Variants in FUT8 observed in about 807,000 individuals in gnomAD.
The protein encoded by FUT8 is alpha-(1,6)-fucosyltransferase.
In FUT8, 29 loss-of-function variants were observed where a neutral mutation model predicts 71.3. That is an observed-to-expected ratio of 0.41 (90% confidence interval 0.30 to 0.55). The LOEUF (loss-of-function observed/expected upper bound fraction) is 0.55. FUT8 is among the 20% of genes least tolerant of loss of function. The pLI is 0.34. For synonymous variants in FUT8, 254 were observed against 239.3 expected (o/e 1.06, Z -0.57); for missense variants, 544 against 702.1 (o/e 0.77, Z 2.55).
chr14:65,392,816 G>A, the FUT8 span, among the ~76,000 whole-genome samples: 1 of 152,148 alleles, frequency 6.6e-6, no homozygotes, highest in Non-Finnish European at 1.5e-5. Flanking sequence ...ACAAAAAGGG[G>A]CCCACTGTTA....
intron 3 of FUT8, among the ~76,000 whole-genome samples, chr14:65,592,436 C>CTACCTACG (rs1049373858): frequency 6.6e-6 from 1 of 151,966 alleles, no homozygotes; most frequent in African/African-American, 2.4e-5. Flanking sequence ...AGCTAGCTAG[C>CTACCTACG]TACCTACGTA....
At chr14:65,490,294 A>G (rs998781262) in intron 2 of FUT8, among the ~76,000 whole-genome samples, 1 of 152,114 alleles carries the variant, frequency 6.6e-6, no homozygotes, top group Non-Finnish European at 1.5e-5. Context: ...TGATGATTAC[A>G]TGTGACTTTT....
intron 2 of FUT8, among the ~76,000 whole-genome samples, chr14:65,518,297 G>A (rs1267434263): frequency 6.6e-6 from 1 of 152,124 alleles, no homozygotes. Context: ...GCTAAGCAGA[G>A]CTTCTAAAAG....
In FUT8 at chr14:65,575,616, T is replaced by C. The variant is rs578186804; in HGVS notation, c.203+13850T>C. ...CTTCCTTCCTTCCTTCCTTCCTTCCTTCCTTCCTCTTTTTTTTTTTCCCCC... is the reference window on the plus strand; with the variant it reads ...CTTCCTTCCTTCCTTCCTTCCTTCCCTCCTTCCTCTTTTTTTTTTTCCCCC... On this transcript the variant is annotated intron_variant, in intron 3 of 10. Coordinates refer to ENST00000673929, the MANE Select transcript of FUT8 (RefSeq NM_001371533.1). Among the ~76,000 whole-genome samples the C allele has an allele frequency of 3.5e-5, 5 of 143,690 alleles. No homozygotes were observed. In the Admixed American group the frequency reaches 3.5e-4, roughly 10 times the overall value. The allele number at this position is 143,690 out of a possible 152,430, so 94.3% of individuals were successfully genotyped here.
At chr14:65,655,940 G>A (rs182564087) in intron 6 of FUT8, among the ~76,000 whole-genome samples, 17 of 152,074 alleles carry the variant, frequency 1.1e-4, no homozygotes, top group Non-Finnish European at 1.5e-4. Flanking sequence ...CAAAAAACTC[G>A]GCATAAAGGG....
intron 1 of FUT8, among the ~76,000 whole-genome samples, chr14:65,436,628 CAAAAA>C (rs34862450): frequency 2.3e-5 from 3 of 129,172 alleles, no homozygotes; most frequent in East Asian, 2.3e-4. Context: ...GACTCCCTCT[CAAAAA>C]AAAAAAAAAA....
chr14:65,679,361 C>G (rs1262542073), intron 7 of FUT8, among the ~76,000 whole-genome samples: 6 of 152,196 alleles, frequency 3.9e-5, no homozygotes. Context: ...AGCAATCTTT[C>G]TGCATTCTTT....
At chr14:65,527,128 A>G (rs2139890546) in intron 2 of FUT8, among the ~76,000 whole-genome samples, 1 of 152,302 alleles carries the variant, frequency 6.6e-6, no homozygotes, top group East Asian at 1.9e-4. Flanking sequence ...AGGTTGGGGA[A>G]GTTCTCCTGG....
At chr14:65,394,658 G>A in the FUT8 span, among the ~76,000 whole-genome samples, 1 of 151,896 alleles carries the variant, frequency 6.6e-6, no homozygotes, top group Non-Finnish European at 1.5e-5. Flanking sequence ...ACAGGCATTG[G>A]ATAACTACAC....
intron 7 of FUT8, among the ~76,000 whole-genome samples, chr14:65,696,670 T>G (rs990469665): frequency 6.6e-6 from 1 of 152,112 alleles, no homozygotes; most frequent in Non-Finnish European, 1.5e-5. Context: ...ATTTTTTCTT[T>G]TTCTTTCTTC....
At chr14:65,635,087 T>A (rs889621789) in intron 6 of FUT8, among the ~76,000 whole-genome samples, 3 of 152,158 alleles carry the variant, frequency 2.0e-5, no homozygotes, top group Non-Finnish European at 2.9e-5. Context: ...TATTTTATTT[T>A]TATTTTTTGC....
intron 1 of FUT8, among the ~76,000 whole-genome samples, chr14:65,441,447 A>AAATGAGTAC (rs2065653283): frequency 1.3e-5 from 2 of 152,164 alleles, no homozygotes; most frequent in Admixed American, 6.6e-5. Flanking sequence ...TTATGTTTAA[A>AAATGAGTAC]AATGAGTACA....
At chr14:65,529,238 T>G (rs778494491) in intron 2 of FUT8, 4 of 152,590 alleles carry the variant, frequency 2.6e-5, no homozygotes, top group Non-Finnish European at 5.9e-5. Context: ...TTTTTCTTTT[T>G]CTTTTTTTTT....
chr14:65,468,244 T>C (rs755966484), intron 2 of FUT8: 23 of 623,856 alleles, frequency 3.7e-5, no homozygotes, highest in Middle Eastern at 2.6e-4. Context: ...ACCTTTCTTA[T>C]AGATTCGCAT....
intron 9 of FUT8, among the ~76,000 whole-genome samples, chr14:65,730,545 C>T (rs1309390765): frequency 6.6e-6 from 1 of 152,028 alleles, no homozygotes; most frequent in Admixed American, 6.6e-5. Context: ...TGGTGGTGGG[C>T]GCCTGTGGTC....
chr14:65,549,915 G>A (rs1054747584), intron 2 of FUT8, among the ~76,000 whole-genome samples: 6 of 152,168 alleles, frequency 3.9e-5, no homozygotes, highest in African/African-American at 1.4e-4. Flanking sequence ...CAAAAAATCA[G>A]TTGGGCATGG....
chr14:65,600,528 A>G (rs1297510743), intron 3 of FUT8, among the ~76,000 whole-genome samples: 2 of 152,194 alleles, frequency 1.3e-5, no homozygotes, highest in Non-Finnish European at 2.9e-5. Context: ...TTACATTTAA[A>G]TATCAGTAGG....
At chr14:65,639,509 G>GACAC (rs10559310) in intron 6 of FUT8, among the ~76,000 whole-genome samples, 17,189 of 148,132 alleles carry the variant, frequency 0.12, 1,190 homozygotes, top group South Asian at 0.24. Context: ...TTCAAATCCA[G>GACAC]ACACACACAC....
At chr14:65,364,628 A>T in the FUT8 span, among the ~76,000 whole-genome samples, 6 of 152,132 alleles carry the variant, frequency 3.9e-5, no homozygotes, top group Admixed American at 2.0e-4. Flanking sequence ...AGACACTTTT[A>T]GGTATTTGCT....
Sources: gnomAD v4.1 joint callset for allele counts (sites outside exome capture counted in the v4.1 genomes callset) on GRCh38, gnomAD v4.1.1 for gene constraint, MANE v1.5 for transcripts, NCBI Gene and HGNC (gene_info 2026-07-23, HGNC 2026-07-21) for gene names.